Variants in EYS observed in about 807,000 individuals in gnomAD.
EYS encodes EGF-like photoreceptor maintenance factor.
EYS carries 250 observed loss-of-function variants against 282.1 expected under a neutral mutation model. The ratio of observed to expected loss-of-function variants is 0.89; its 90% CI spans 0.80 to 0.98. EYS has a LOEUF of 0.98. Among genes scored for constraint, EYS ranks in the 50% least tolerant of loss-of-function variants. The probability of loss-of-function intolerance (pLI) is 0.00; values close to 1 mark genes in which losing one functional copy is unlikely to be tolerated. For synonymous variants in EYS, 1,355 were observed against 1,282.9 expected (o/e 1.06, Z -1.20); for missense variants, 4,016 against 3,709.0 (o/e 1.08, Z -2.15).
chr6:65,205,500 G>C (rs1011662645), intron 12 of EYS, among the ~76,000 whole-genome samples: 1 of 151,692 alleles, frequency 6.6e-6, no homozygotes, highest in African/African-American at 2.4e-5. Context: ...ACAGCTAATC[G>C]AAGTACAAAG....
At chr6:64,005,701 C>A (rs1768311210) in intron 33 of EYS, among the ~76,000 whole-genome samples, 1 of 152,160 alleles carries the variant, frequency 6.6e-6, no homozygotes, top group Admixed American at 6.5e-5. Context: ...AGCCAGGTAT[C>A]CCTGCACCAT....
At chr6:65,300,211 T>G (rs1225225586) in intron 11 of EYS, among the ~76,000 whole-genome samples, 4 of 152,148 alleles carry the variant, frequency 2.6e-5, no homozygotes, top group Non-Finnish European at 5.9e-5. Flanking sequence ...TCTGAATGGG[T>G]AGATCCACAG....
intron 5 of EYS, among the ~76,000 whole-genome samples, chr6:65,410,746 C>T (rs1018569249): frequency 1.3e-5 from 2 of 151,612 alleles, no homozygotes; most frequent in African/African-American, 4.8e-5. Context: ...TATTTTTACC[C>T]CCTGTTTATT....
chr6:64,319,492 T>A (rs1582591720), intron 29 of EYS, among the ~76,000 whole-genome samples: 1 of 152,200 alleles, frequency 6.6e-6, no homozygotes, highest in Middle Eastern at 3.4e-3. Flanking sequence ...TCTGCTCCCA[T>A]GTTACTAAGG....
intron 28 of EYS, among the ~76,000 whole-genome samples, chr6:64,395,793 AG>A (rs1476406447): frequency 6.6e-6 from 1 of 151,840 alleles, no homozygotes; most frequent in Non-Finnish European, 1.5e-5. Flanking sequence ...TTAAAAAAAA[AG>A]AAAAAAAAAC....
At chr6:63,748,836 C>T (rs905473422) in intron 41 of EYS, among the ~76,000 whole-genome samples, 1 of 151,806 alleles carries the variant, frequency 6.6e-6, no homozygotes, top group Non-Finnish European at 1.5e-5. Flanking sequence ...GGTAATATCC[C>T]CCTTGTTATT....
intron 22 of EYS, among the ~76,000 whole-genome samples, chr6:64,658,451 T>G (rs1287702710): frequency 6.6e-6 from 1 of 152,202 alleles, no homozygotes; most frequent in Non-Finnish European, 1.5e-5. Flanking sequence ...TTTCCAGTTT[T>G]TCTGCTCTCT....
At chr6:65,543,801 G>A (rs1562250439) in intron 2 of EYS, among the ~76,000 whole-genome samples, 1 of 152,114 alleles carries the variant, frequency 6.6e-6, no homozygotes, top group Non-Finnish European at 1.5e-5. Context: ...CAAAATAACA[G>A]ATGACTTTGA....
At chr6:64,534,752 A>T (rs1308690549) in intron 26 of EYS, among the ~76,000 whole-genome samples, 4 of 151,922 alleles carry the variant, frequency 2.6e-5, no homozygotes, top group Admixed American at 2.6e-4. Flanking sequence ...ATTTTCTCTC[A>T]ATACATTGCT....
intron 41 of EYS, among the ~76,000 whole-genome samples, chr6:63,751,206 A>G (rs1769333254): frequency 6.6e-6 from 1 of 152,188 alleles, no homozygotes; most frequent in African/African-American, 2.4e-5. Context: ...ATCTGTACAT[A>G]CTATAAGGCT....
At chr6:65,633,426 T>G (rs1766987165) in intron 2 of EYS, among the ~76,000 whole-genome samples, 1 of 152,230 alleles carries the variant, frequency 6.6e-6, no homozygotes, top group Admixed American at 6.5e-5. Flanking sequence ...CAGAGAGTTT[T>G]CAAAGCATTT....
At chr6:64,567,497 A>G (rs907775625) in intron 26 of EYS, among the ~76,000 whole-genome samples, 1 of 152,202 alleles carries the variant, frequency 6.6e-6, no homozygotes, top group African/African-American at 2.4e-5. Context: ...TTTTGCAAGA[A>G]ATTCACTGTC....
At chr6:65,638,438 G>T (rs1478948846) in intron 2 of EYS, among the ~76,000 whole-genome samples, 2 of 152,204 alleles carry the variant, frequency 1.3e-5, no homozygotes, top group African/African-American at 4.8e-5. Context: ...ATGAAAAGGA[G>T]AGAAGAGCTG....
At chr6:65,598,687 A>G (rs958377583) in intron 2 of EYS, among the ~76,000 whole-genome samples, 5 of 152,106 alleles carry the variant, frequency 3.3e-5, no homozygotes, top group African/African-American at 1.2e-4. Flanking sequence ...ATACTTGAGT[A>G]GACTACAGGC....
intron 12 of EYS, among the ~76,000 whole-genome samples, chr6:65,067,914 A>C (rs1361961207): frequency 6.6e-6 from 1 of 152,150 alleles, no homozygotes; most frequent in Non-Finnish European, 1.5e-5. Flanking sequence ...ATGCTTATTA[A>C]AGAGGCAGAT....
intron 36 of EYS, among the ~76,000 whole-genome samples, chr6:63,863,663 CTT>C (rs1436358110): frequency 3.6e-5 from 2 of 55,792 alleles, no homozygotes; most frequent in African/African-American, 6.6e-5. Flanking sequence ...CTTTTCTTTT[CTT>C]TTCTTTTTTC....
At chr6:65,349,464 T>C (rs115165717) in intron 9 of EYS, among the ~76,000 whole-genome samples, 137 of 151,644 alleles carry the variant, frequency 9.0e-4, no homozygotes, top group Admixed American at 4.2e-3. Context: ...TTAAAAGTTG[T>C]ATGTCCAGTA....
At chr6:64,943,243 A>G (rs913623485) in intron 15 of EYS, among the ~76,000 whole-genome samples, 1 of 152,108 alleles carries the variant, frequency 6.6e-6, no homozygotes, top group Non-Finnish European at 1.5e-5. Context: ...CCCACAGCCA[A>G]CATCATACTA....
chr6:65,057,209 C>G (rs10455566), intron 13 of EYS, among the ~76,000 whole-genome samples: 11,596 of 151,922 alleles, frequency 0.076, 564 homozygotes, highest in Middle Eastern at 0.12. Flanking sequence ...GAAATACCAT[C>G]AAAGTTGAAC....
Sources: gnomAD v4.1 joint callset for allele counts (sites outside exome capture counted in the v4.1 genomes callset) on GRCh38, gnomAD v4.1.1 for gene constraint, MANE v1.5 for transcripts, NCBI Gene and HGNC (gene_info 2026-07-23, HGNC 2026-07-21) for gene names.